AGPAT4: variants seen among roughly 807,000 people sequenced by gnomAD.
The protein encoded by AGPAT4 is 1-acylglycerol-3-phosphate O-acyltransferase 4.
A neutral mutation model predicts 48.0 loss-of-function variants in AGPAT4; 15 were observed. That is an observed-to-expected ratio of 0.31 (90% CI 0.21 to 0.48). AGPAT4 has a LOEUF of 0.48. Ranked by LOEUF, AGPAT4 falls within the 20% of genes least tolerant of loss-of-function variation. The pLI, the probability that AGPAT4 is intolerant of heterozygous loss-of-function variation, is 0.99. For synonymous variants in AGPAT4, 178 were observed against 198.7 expected (o/e 0.90, Z 0.88); for missense variants, 314 against 482.5 (o/e 0.65, Z 3.27).
intron 3 of AGPAT4, chr6:161,160,662 C>T (rs1779901957): frequency 3.3e-6 from 1 of 305,936 alleles, no homozygotes; most frequent in African/African-American, 2.2e-5. Context: ...ATACTGATCA[C>T]TACTGGCTCT....
rs1348602153 is a variant in AGPAT4 at position 161,212,148 on chromosome 6, G to T, written c.178+19888C>A. On this transcript the variant is annotated intron_variant, in intron 2 of 8. Coordinates refer to ENST00000320285, the MANE Select transcript of AGPAT4 (RefSeq NM_020133.3). The surrounding 1 kb of genome is among the most constrained non-coding windows in gnomAD (Gnocchi z 6.1). ...GTAAATGTTATAAAGGTTATAAAAG[G>T]CTTATGGAAGCTGTATCTTATGGTC... is the stretch of plus-strand genomic sequence containing the variant. 6.6e-6 allele frequency among the ~76,000 whole-genome samples: 1 copy of T among 152,088 alleles called. No individual in the cohort carries two copies. The highest frequency in any genetic ancestry group is 1.5e-5 in the Non-Finnish European group (1 of 68,004).
At chr6:161,150,012 T>C (rs963276061) in intron 5 of AGPAT4, among the ~76,000 whole-genome samples, 1 of 152,206 alleles carries the variant, frequency 6.6e-6, no homozygotes. Flanking sequence ...GTGTCTCAGT[T>C]ACAGCAGCAT....
rs1466420327 is a variant in AGPAT4, at chr6:161,206,954, A to T, written c.178+25082T>A. ...CCAGTGAACTCAAAGGCAGAACAGT[A>T]GAAATCAGCTCATCTGGACAACAGA... On this transcript the variant is annotated intron_variant, in intron 2 of 8. Coordinates refer to ENST00000320285, the MANE Select transcript of AGPAT4 (RefSeq NM_020133.3). This position sits in a 1 kb window ranked among gnomAD's most constrained non-coding sequence, Gnocchi z 4.8. Among the ~76,000 whole-genome samples, 1 of 152,278 alleles carries T rather than the reference A, an allele frequency of 6.6e-6. No individual in the cohort carries two copies. Among genetic ancestry groups the T allele is most frequent in the African/African-American group, 2.4e-5 (1 of 41,480 alleles).
Position 161,219,827 on chromosome 6 carries a change from A to T in AGPAT4, c.178+12209T>A, listed in dbSNP as rs1422104704. Among the ~76,000 whole-genome samples the T allele has an allele frequency of 1.2e-5, 1 of 84,052 alleles. No individual in the cohort carries two copies. The highest frequency in any genetic ancestry group is 2.4e-5 in the Non-Finnish European group (1 of 41,688). The allele number at this position is 84,052 out of a possible 152,430, so 55.1% of individuals were successfully genotyped here. ...TTCACAGTAAAAAAGATAGACAGAG[A>T]TAGATAGATAGATAGATAGATAGAT... On this transcript the variant is annotated intron_variant, in intron 2 of 8. Transcript: ENST00000320285. The surrounding 1 kb of genome is among the most constrained non-coding windows in gnomAD (Gnocchi z 4.9).
In AGPAT4 at chr6:161,135,188, CTCA is replaced by C. The variant is rs1260437823; in HGVS notation, c.*1349_*1351del. 12 of 152,220 alleles carry C rather than the reference CTCA, an allele frequency of 7.9e-5. No individual in the cohort carries two copies. The highest frequency in any genetic ancestry group is 2.9e-4 in the African/African-American group (12 of 41,454). The allele number at this position is 152,220 out of a possible 1,614,324, so 9.4% of individuals were successfully genotyped here. Reference sequence around the variant, plus strand: ...TTTTGTATAGAGCTGTTCATTCCTTCTCATGTTACCACAGCAACACAGGCAGCT... The same window carrying C: ...TTTTGTATAGAGCTGTTCATTCCTTCTGTTACCACAGCAACACAGGCAGCT... On this transcript the variant is annotated 3_prime_UTR_variant, in exon 9 of 9. Coordinates refer to ENST00000320285, the MANE Select transcript of AGPAT4 (RefSeq NM_020133.3).
At position 161,214,219 on chromosome 6, in the gene AGPAT4, G is replaced by A. The variant is rs1781586650; in HGVS notation, c.178+17817C>T. On this transcript the variant is annotated intron_variant, in intron 2 of 8. Coordinates refer to ENST00000320285, the MANE Select transcript of AGPAT4 (RefSeq NM_020133.3). The surrounding 1 kb of genome is among the most constrained non-coding windows in gnomAD (Gnocchi z 5.4). ...GTTCATGTTACATCTGTTGATTGAT[G>A]TCTCGTGTCTCTCTAAAATGTATAA... Among the ~76,000 whole-genome samples the A allele has an allele frequency of 6.6e-6, 1 of 152,160 alleles. No individual in the cohort carries two copies. The highest frequency in any genetic ancestry group is 2.4e-5 in the African/African-American group (1 of 41,436).
At chr6:161,160,768 T>A (rs1779905021) in intron 3 of AGPAT4, 1 of 348,770 alleles carries the variant, frequency 2.9e-6, no homozygotes, top group Non-Finnish European at 5.7e-6. Flanking sequence ...ACACAGGTCC[T>A]CAAGGCCCCT....
At position 161,242,453 on chromosome 6, in the gene AGPAT4, C is replaced by A. The variant is rs915446406; in HGVS notation, c.-89-10151G>T. Among the ~76,000 whole-genome samples the A allele has an allele frequency of 6.6e-6, 1 of 152,126 alleles. No homozygotes were observed. The highest frequency in any genetic ancestry group is 6.6e-5 in the Admixed American group (1 of 15,266). ...TCAGTCCTGGGGAGCCTCAGTGGCA[C>A]CTTTTCTCCAAGTAGAAGGCCACAT... On this transcript the variant is annotated intron_variant, in intron 1 of 8. Transcript: ENST00000320285. This position sits in a 1 kb window ranked among gnomAD's most constrained non-coding sequence, Gnocchi z 5.0.
chr6:161,206,401 T>C lies in AGPAT4; in HGVS notation c.178+25635A>G, dbSNP rs564580982. 2.6e-5 allele frequency among the ~76,000 whole-genome samples: 4 copies of C among 152,234 alleles called. No individual in the cohort carries two copies. The highest frequency in any genetic ancestry group is 9.6e-5 in the African/African-American group (4 of 41,558). ...CAGCCAGCACACCATCCTGGAGACC[T>C]GGTGGGAAATCTGAACTCCCACCTT... On this transcript the variant is annotated intron_variant, in intron 2 of 8. Transcript: ENST00000320285. This position sits in a 1 kb window ranked among gnomAD's most constrained non-coding sequence, Gnocchi z 4.8.
In AGPAT4 at chr6:161,171,256, T is replaced by G. The variant is rs1284659829; in HGVS notation, c.179-4839A>C. ...GCAAAGATAAGGTATTTGCTGTTTG[T>G]CTTAGTCCATTTTATGCTGCTGTAA... is the stretch of plus-strand genomic sequence containing the variant. On this transcript the variant is annotated intron_variant, in intron 2 of 8. Transcript: ENST00000320285. This position sits in a 1 kb window ranked among gnomAD's most constrained non-coding sequence, Gnocchi z 4.4. Among the ~76,000 whole-genome samples, 2 of 152,254 alleles carry G rather than the reference T, an allele frequency of 1.3e-5. No homozygotes were observed. The highest frequency in any genetic ancestry group is 4.1e-4 in the South Asian group (2 of 4,832).
rs1286931854 is a variant in AGPAT4 at position 161,149,964 on chromosome 6, GGAT to G, written c.665-678_665-676del. Among the ~76,000 whole-genome samples the G allele has an allele frequency of 1.3e-5, 2 of 152,138 alleles. No individual in the cohort carries two copies. The highest frequency in any genetic ancestry group is 2.9e-5 in the Non-Finnish European group (2 of 68,036). ...GAAACACCGAAATTTGAACAAGTGT[GGAT>G]GATAAGAAAAATTATTCCAAAGGAA... On this transcript the variant is annotated intron_variant, in intron 5 of 8. Transcript: ENST00000320285. The surrounding 1 kb of genome is among the most constrained non-coding windows in gnomAD (Gnocchi z 6.5).
In AGPAT4 at chr6:161,257,625, A is replaced by G. The variant is rs1191826577; in HGVS notation, c.-90+16313T>C. 2.0e-5 allele frequency among the ~76,000 whole-genome samples: 3 copies of G among 152,212 alleles called. No individual in the cohort carries two copies. In the East Asian group the frequency reaches 5.8e-4, roughly 29 times the overall value. On this transcript the variant is annotated intron_variant, in intron 1 of 8. Coordinates refer to ENST00000320285, the MANE Select transcript of AGPAT4 (RefSeq NM_020133.3). Reference sequence around the variant, plus strand: ...TTAAATGAAGACAGAAGTTTTTAAAACTGCTGAAATCCAACATCAAAAAAA... The same window carrying G: ...TTAAATGAAGACAGAAGTTTTTAAAGCTGCTGAAATCCAACATCAAAAAAA...
rs1359005482 is a variant in AGPAT4 at position 161,142,996 on chromosome 6, G to A, written c.844-3376C>T. Among the ~76,000 whole-genome samples, 2 of 152,196 alleles carry A rather than the reference G, an allele frequency of 1.3e-5. No individual in the cohort carries two copies. The highest frequency in any genetic ancestry group is 4.8e-5 in the African/African-American group (2 of 41,452). On this transcript the variant is annotated intron_variant, in intron 7 of 8. Coordinates refer to ENST00000320285, the MANE Select transcript of AGPAT4 (RefSeq NM_020133.3). This position sits in a 1 kb window ranked among gnomAD's most constrained non-coding sequence, Gnocchi z 6.4. ...GTGTTTCCCACGGGCCACCATGCCT[G>A]CACCCTGAACTCTGCACCCCACCCA...
chr6:161,207,022 T>C (rs1448145421), intron 2 of AGPAT4, among the ~76,000 whole-genome samples: 2 of 152,218 alleles, frequency 1.3e-5, no homozygotes, highest in Non-Finnish European at 2.9e-5. Context: ...TCTAATGGAA[T>C]ATTCCATGGA....
In AGPAT4 at chr6:161,161,834, T is replaced by C. The variant is rs944040608; in HGVS notation, c.348+4414A>G. 7.2e-6 allele frequency: 2 copies of C among 277,450 alleles called. No homozygotes were observed. Among genetic ancestry groups the C allele is most frequent in the Non-Finnish European group, 1.4e-5 (2 of 139,930 alleles). 17.2% of individuals were successfully genotyped at this position (277,450 alleles called of 1,614,324 possible). On this transcript the variant is annotated intron_variant, in intron 3 of 8. Transcript: ENST00000320285. This position sits in a 1 kb window ranked among gnomAD's most constrained non-coding sequence, Gnocchi z 4.6. ...CTATCGTTGTCATGATCGAAAATCCTTCGTTTAAAGAGGCAGCACAGGGCT... is the reference window on the plus strand; with the variant it reads ...CTATCGTTGTCATGATCGAAAATCCCTCGTTTAAAGAGGCAGCACAGGGCT...
Position 161,235,786 on chromosome 6 carries a change from A to C in AGPAT4, c.-89-3484T>G, listed in dbSNP as rs1324990933. The stretch of plus-strand genomic sequence containing the variant: ...AATCTCAAGAGAACTCACTCATTAT[A>C]CGGTACCAAGGGGGTACAGTGCTAA... On this transcript the variant is annotated intron_variant, in intron 1 of 8. Coordinates refer to ENST00000320285, the MANE Select transcript of AGPAT4 (RefSeq NM_020133.3). The surrounding 1 kb of genome is among the most constrained non-coding windows in gnomAD (Gnocchi z 6.2). Among the ~76,000 whole-genome samples the C allele has an allele frequency of 6.7e-6, 1 of 148,756 alleles. No homozygotes were observed. The highest frequency in any genetic ancestry group is 2.6e-5 in the African/African-American group (1 of 38,270).
Position 161,137,138 on chromosome 6 carries a change from G to A in AGPAT4, c.1043-504C>T, listed in dbSNP as rs766212595. On this transcript the variant is annotated intron_variant, in intron 8 of 8. Transcript: ENST00000320285. This position sits in a 1 kb window ranked among gnomAD's most constrained non-coding sequence, Gnocchi z 6.1. The stretch of plus-strand genomic sequence containing the variant: ...GAAAATCCCCGCCCTCTCCTCTGAC[G>A]GCAGGATTTGCCTACACCAGAGAAT... 6.6e-6 allele frequency among the ~76,000 whole-genome samples: 1 copy of A among 152,182 alleles called. No individual in the cohort carries two copies. Among genetic ancestry groups the A allele is most frequent in the East Asian group, 1.9e-4 (1 of 5,172 alleles).
intron 8 of AGPAT4, 67 bp from the exon 9 acceptor site, chr6:161,136,701 G>A: frequency 7.0e-7 from 1 of 1,435,206 alleles, no homozygotes; most frequent in Non-Finnish European, 9.8e-7. Flanking sequence ...TTCCCACAGA[G>A]CAAGTGAGAA....
intron 2 of AGPAT4, among the ~76,000 whole-genome samples, chr6:161,174,457 T>G (rs1376382924): frequency 6.6e-6 from 1 of 152,216 alleles, no homozygotes; most frequent in Non-Finnish European, 1.5e-5. Flanking sequence ...TGTCTGTTAT[T>G]GGTGTATAGG....
Sources: allele counts gnomAD v4.1 joint callset (sites outside exome capture counted in the v4.1 genomes callset), GRCh38; gene constraint gnomAD v4.1.1; non-coding constraint Gnocchi (gnomAD v3.1); transcripts MANE v1.5; gene names NCBI Gene and HGNC (gene_info 2026-07-23, HGNC 2026-07-21).